Variants in ZNF469 observed in about 807,000 individuals in gnomAD.
ZNF469 encodes zinc finger protein 469.
A neutral mutation model predicts 1.0 loss-of-function variants in ZNF469; 1 was observed. That is an observed-to-expected ratio of 1.00 (90% CI 0.35 to 4.73). The LOEUF (loss-of-function observed/expected upper bound fraction) is 4.73, where lower values mean the gene tolerates loss of function less well. ZNF469 is among the 30% of genes most tolerant of loss of function. The pLI is 0.16. For missense variants in ZNF469, 6,100 were observed against 5,356.3 expected (o/e 1.14, Z -4.33); for synonymous variants, 2,703 against 2,363.4 (o/e 1.14, Z -4.17).
rs1344973258 is a variant in ZNF469 at position 88,431,016 on chromosome 16, G to A, written c.3546G>A (p.Ala1182=). 6.5e-7 allele frequency: 1 copy of A among 1,543,980 alleles called. No individual in the cohort carries two copies. The highest frequency in any genetic ancestry group is 2.4e-5 in the East Asian group (1 of 40,862). ...RGPSRSLETG[A]AAREGGPKCA... ...CGTCTCGAAGCCTGGAGACGGGAGC[G>A]GCCGCCAGGGAGGGAGGCCCCAAGT... The change falls in exon 3 of 3, where the codon GCG becomes GCA. Residue 1182 remains alanine, a synonymous_variant. Transcript: ENST00000565624.
the ZNF469 span, among the ~76,000 whole-genome samples, chr16:88,110,133 C>A: frequency 6.6e-6 from 1 of 152,216 alleles, no homozygotes; most frequent in African/African-American, 2.4e-5. Flanking sequence ...AAATCATTAA[C>A]ACTTCTTCAG....
chr16:88,395,787 A>T (rs1259522681), intron 1 of ZNF469, among the ~76,000 whole-genome samples: 2 of 152,312 alleles, frequency 1.3e-5, no homozygotes, highest in East Asian at 3.9e-4. Context: ...AGCCAGTAAG[A>T]GCTGCCACCA....
At chr16:88,102,650 T>C in the ZNF469 span, among the ~76,000 whole-genome samples, 1 of 152,270 alleles carries the variant, frequency 6.6e-6, no homozygotes, top group South Asian at 2.1e-4. Context: ...AGGGGCTAAA[T>C]CACAAGGTAC....
chr16:88,136,643 A>G, the ZNF469 span, among the ~76,000 whole-genome samples: 21 of 152,356 alleles, frequency 1.4e-4, no homozygotes, highest in African/African-American at 4.8e-4. Flanking sequence ...TTACTCAAAG[A>G]GGAGGCCTGG....
the ZNF469 span, among the ~76,000 whole-genome samples, chr16:88,289,477 G>A: frequency 3.9e-5 from 6 of 152,260 alleles, no homozygotes; most frequent in South Asian, 2.1e-4. Flanking sequence ...CAATTACACC[G>A]ATCTGTGACT....
At chr16:88,326,470 C>G in the ZNF469 span, among the ~76,000 whole-genome samples, 3 of 152,178 alleles carry the variant, frequency 2.0e-5, no homozygotes, top group South Asian at 4.1e-4. Flanking sequence ...TAATACACTT[C>G]GAGACACTCT....
At chr16:88,276,747 C>T in the ZNF469 span, among the ~76,000 whole-genome samples, 6 of 151,858 alleles carry the variant, frequency 4.0e-5, no homozygotes, top group African/African-American at 1.5e-4. Context: ...AGTCAGGACC[C>T]TGTAGATGTC....
At chr16:88,184,753 G>A in the ZNF469 span, among the ~76,000 whole-genome samples, 3 of 152,154 alleles carry the variant, frequency 2.0e-5, no homozygotes, top group African/African-American at 7.2e-5. Flanking sequence ...ACGTGCGAGA[G>A]GCATTTACGA....
the ZNF469 span, among the ~76,000 whole-genome samples, chr16:88,348,925 C>A: frequency 6.6e-6 from 1 of 152,150 alleles, no homozygotes; most frequent in South Asian, 2.1e-4. Context: ...CAGCCGCTCT[C>A]CCGGGACAGG....
At chr16:88,411,165 G>A (rs946473608) in intron 1 of ZNF469, among the ~76,000 whole-genome samples, 1 of 152,112 alleles carries the variant, frequency 6.6e-6, no homozygotes, top group African/African-American at 2.4e-5. Context: ...GCTTTTGGGG[G>A]ACACACCTCA....
In ZNF469 at chr16:88,439,469, G is replaced by C. The variant is rs1410606622; in HGVS notation, c.*137G>C. On this transcript the variant is annotated 3_prime_UTR_variant, in exon 3 of 3. Coordinates refer to ENST00000565624, the MANE Select transcript of ZNF469 (RefSeq NM_001367624.2). ...TGCAACTGCTCAGGCCTTGATGTCA[G>C]AGCTGAGGTGGTGATGCTTTGAACA... is the stretch of plus-strand genomic sequence containing the variant. The C allele has an allele frequency of 2.1e-6, 2 of 959,222 alleles. No homozygotes were observed. Among genetic ancestry groups the C allele is most frequent in the African/African-American group, 3.3e-5 (2 of 61,190 alleles). The allele number at this position is 959,222 out of a possible 1,614,324, so 59.4% of individuals were successfully genotyped here.
chr16:88,243,544 T>A, the ZNF469 span, among the ~76,000 whole-genome samples: 5 of 152,128 alleles, frequency 3.3e-5, no homozygotes, highest in Non-Finnish European at 5.9e-5. Flanking sequence ...CGAACTTGGG[T>A]TCCCAGGCGA....
intron 1 of ZNF469, among the ~76,000 whole-genome samples, chr16:88,384,842 A>T (rs2092533699): frequency 6.6e-6 from 1 of 152,044 alleles, no homozygotes; most frequent in Non-Finnish European, 1.5e-5. Flanking sequence ...TTCAGTCTCC[A>T]CCAGACCCTG....
At chr16:88,157,506 T>G in the ZNF469 span, among the ~76,000 whole-genome samples, 13 of 152,138 alleles carry the variant, frequency 8.5e-5, no homozygotes, top group African/African-American at 3.1e-4. Flanking sequence ...AAGCCTTGTC[T>G]GCCAGCCATG....
At chr16:88,252,725 C>G in the ZNF469 span, among the ~76,000 whole-genome samples, 1 of 152,152 alleles carries the variant, frequency 6.6e-6, no homozygotes, top group Non-Finnish European at 1.5e-5. Context: ...TGAAGCATAA[C>G]TTACAGTAAT....
At chr16:88,306,962 A>G in the ZNF469 span, among the ~76,000 whole-genome samples, 1 of 152,218 alleles carries the variant, frequency 6.6e-6, no homozygotes, top group Non-Finnish European at 1.5e-5. Flanking sequence ...TTATCACTCC[A>G]GAAAGAAACT....
chr16:88,370,936 G>A, the ZNF469 span, among the ~76,000 whole-genome samples: 1 of 152,348 alleles, frequency 6.6e-6, no homozygotes, highest in South Asian at 2.1e-4. Context: ...ATGTGAGTGA[G>A]CCAGGCTACC....
upstream of ZNF469, among the ~76,000 whole-genome samples, chr16:88,378,212 G>A (rs764441221): frequency 1.2e-4 from 19 of 152,106 alleles, no homozygotes; most frequent in Non-Finnish European, 2.5e-4. Context: ...CAGAGAGGCC[G>A]CTGACTCACC....
Position 88,430,502 on chromosome 16 carries a change from G to T in ZNF469, c.3032G>T (p.Arg1011Leu), listed in dbSNP as rs1427915778. ...GGGAGCCGCGCAGACCCCGCGCCCC[G>T]GGTCCCGAGAGCCGCCGCCCTCCCC... Reference protein sequence around the residue: ...APGSRADPAPRVPRAAALPEE... With the variant: ...APGSRADPAPLVPRAAALPEE... Residue 1011 changes from arginine (R) to leucine (L), a missense_variant, in exon 3 of 3, where the codon CGG becomes CTG. Coordinates refer to ENST00000565624, the MANE Select transcript of ZNF469 (RefSeq NM_001367624.2). 7.0e-7 allele frequency: 1 copy of T among 1,419,688 alleles called. No individual in the cohort carries two copies. The highest frequency in any genetic ancestry group is 1.5e-5 in the South Asian group (1 of 66,342). 87.9% of individuals were successfully genotyped at this position (1,419,688 alleles called of 1,614,324 possible). A position where few individuals can be genotyped will look rare whatever the true frequency, so the allele number is the denominator to read the frequency against.
Sources: gnomAD v4.1 joint callset for allele counts (sites outside exome capture counted in the v4.1 genomes callset) on GRCh38, gnomAD v4.1.1 for gene constraint, MANE v1.5 for transcripts, NCBI Gene and HGNC (gene_info 2026-07-23, HGNC 2026-07-21) for gene names.